Variants in WDPCP observed in about 807,000 individuals in gnomAD.
WDPCP encodes the protein WD repeat containing planar cell polarity effector, also known as WD repeat-containing and planar cell polarity effector protein fritz homolog.
A neutral mutation model predicts 93.1 loss-of-function variants in WDPCP; 71 were observed. The ratio of observed to expected loss-of-function variants is 0.76; its 90% CI spans 0.63 to 0.93. WDPCP has a LOEUF of 0.93. Ranked by LOEUF, WDPCP falls within the 40% of genes least tolerant of loss-of-function variation. The pLI, the probability that WDPCP is intolerant of heterozygous loss-of-function variation, is 0.00. For synonymous variants in WDPCP, 315 were observed against 315.0 expected (o/e 1.00, Z 0.00); for missense variants, 844 against 887.4 (o/e 0.95, Z 0.62).
rs139111076 is a variant in WDPCP at position 63,399,960 on chromosome 2, G to A, written c.1435+4088C>T. On this transcript the variant is annotated intron_variant, in intron 10 of 17. Transcript: ENST00000272321. ...ATGTATTCAACTTCAGAGACAAGCA[G>A]ATCCATGAAAAAATAAAGTAAATTG... 5.5e-3 allele frequency among the ~76,000 whole-genome samples: 835 copies of A among 152,126 alleles called. 12 individuals carry two copies. The highest frequency in any genetic ancestry group is 0.019 in the African/African-American group (773 of 41,504).
At chr2:63,622,720 C>T in intron 3 of WDPCP, 1 of 1,613,574 alleles carries the variant, frequency 6.2e-7, no homozygotes, top group South Asian at 1.1e-5. Flanking sequence ...TGTACTATGT[C>T]TTCCGTCAAG....
chr2:63,679,892 C>G (rs1710470960), intron 2 of WDPCP, among the ~76,000 whole-genome samples: 1 of 152,122 alleles, frequency 6.6e-6, no homozygotes, highest in African/African-American at 2.4e-5. Context: ...TGGTAGAGAG[C>G]TTTTAAGGGA....
intron 2 of WDPCP, among the ~76,000 whole-genome samples, chr2:63,798,448 G>C (rs1670645541): frequency 6.6e-6 from 1 of 152,144 alleles, no homozygotes. Context: ...GTCTTCATTA[G>C]TTTTCTTTTT....
intron 2 of WDPCP, among the ~76,000 whole-genome samples, chr2:63,742,865 C>A (rs1669744102): frequency 6.6e-6 from 1 of 151,300 alleles, no homozygotes. Context: ...TTATTACTAG[C>A]CTGTAAAGAA....
chr2:63,228,232 A>G (rs148847607), intron 14 of WDPCP, among the ~76,000 whole-genome samples: 375 of 152,158 alleles, frequency 2.5e-3, no homozygotes, highest in Non-Finnish European at 4.5e-3. Context: ...ATTGCTTAGG[A>G]AAACTATTTG....
chr2:63,748,502 CTTTAA>C (rs1446688608), intron 2 of WDPCP, among the ~76,000 whole-genome samples: 1 of 151,944 alleles, frequency 6.6e-6, no homozygotes, highest in East Asian at 1.9e-4. Context: ...AAATTTTCTC[CTTTAA>C]TTTGTTAACA....
At chr2:63,826,865 A>G (rs1290617983) in intron 1 of WDPCP, among the ~76,000 whole-genome samples, 1 of 152,172 alleles carries the variant, frequency 6.6e-6, no homozygotes. Flanking sequence ...GTTCTCTGTA[A>G]GATTTAATTT....
chr2:63,637,772 T>C (rs1449677310), intron 3 of WDPCP, among the ~76,000 whole-genome samples: 2 of 152,106 alleles, frequency 1.3e-5, no homozygotes, highest in African/African-American at 4.8e-5. Context: ...TAATAAAAAA[T>C]ATCAAAAGAT....
At chr2:63,710,503 A>G (rs35445677) in intron 2 of WDPCP, among the ~76,000 whole-genome samples, 222 of 152,322 alleles carry the variant, frequency 1.5e-3, no homozygotes, top group Non-Finnish European at 2.6e-3. Context: ...ACTACTCTCA[A>G]TTGCACACAT....
chr2:63,450,401 C>T (rs544225500), intron 6 of WDPCP, among the ~76,000 whole-genome samples: 8 of 152,260 alleles, frequency 5.3e-5, no homozygotes, highest in East Asian at 3.9e-4. Flanking sequence ...CACCCAGGAC[C>T]GAAAGAGTCA....
chr2:63,462,137 T>A (rs1575466003), intron 6 of WDPCP, among the ~76,000 whole-genome samples: 1 of 152,216 alleles, frequency 6.6e-6, no homozygotes, highest in Admixed American at 6.5e-5. Context: ...TAAGAAAATG[T>A]GGCACATATA....
intron 1 of WDPCP, among the ~76,000 whole-genome samples, chr2:63,561,601 AGAATGG>A (rs767417946): frequency 2.6e-5 from 4 of 152,246 alleles, no homozygotes; most frequent in Non-Finnish European, 5.9e-5. Flanking sequence ...AACAACCTAC[AGAATGG>A]GAAAAGTTTG....
chr2:63,623,002 G>A (rs371105798), intron 3 of WDPCP, among the ~76,000 whole-genome samples: 3 of 152,326 alleles, frequency 2.0e-5, no homozygotes, highest in Admixed American at 6.5e-5. Context: ...TGAGTTGTCC[G>A]ACCGCGCGCC....
chr2:63,179,806 T>G (rs907034933), intron 14 of WDPCP, among the ~76,000 whole-genome samples: 2 of 152,206 alleles, frequency 1.3e-5, no homozygotes, highest in African/African-American at 4.8e-5. Context: ...TTGTGGATTT[T>G]CCAGTTTTCC....
intron 2 of WDPCP, chr2:63,684,513 C>T (rs1464448620): frequency 4.1e-6 from 3 of 739,450 alleles, no homozygotes; most frequent in Non-Finnish European, 7.5e-6. Flanking sequence ...AAGATCAAGT[C>T]TTTTGTGAGA....
intron 13 of WDPCP, among the ~76,000 whole-genome samples, chr2:63,287,529 A>G (rs1684100120): frequency 6.6e-6 from 1 of 151,994 alleles, no homozygotes; most frequent in South Asian, 2.1e-4. Flanking sequence ...GCTCCTCCCA[A>G]TTTTGGTAGC....
intron 12 of WDPCP, among the ~76,000 whole-genome samples, chr2:63,313,743 A>G (rs1686365961): frequency 6.6e-6 from 1 of 151,634 alleles, no homozygotes; most frequent in Non-Finnish European, 1.5e-5. Flanking sequence ...GGGATATACT[A>G]AGGAAGAGGT....
intron 1 of WDPCP, among the ~76,000 whole-genome samples, chr2:63,579,062 C>G (rs1333044044): frequency 6.6e-6 from 1 of 152,116 alleles, no homozygotes; most frequent in Non-Finnish European, 1.5e-5. Flanking sequence ...CTGTTCCTTA[C>G]GTTCTCCAGA....
intron 2 of WDPCP, among the ~76,000 whole-genome samples, chr2:63,806,787 G>A (rs1322542692): frequency 6.6e-6 from 1 of 152,204 alleles, no homozygotes; most frequent in East Asian, 1.9e-4. Flanking sequence ...GAGAAATATG[G>A]CTCTGTTCCG....
Sources: gnomAD v4.1 joint callset for allele counts (sites outside exome capture counted in the v4.1 genomes callset) on GRCh38, gnomAD v4.1.1 for gene constraint, MANE v1.5 for transcripts, NCBI Gene and HGNC (gene_info 2026-07-23, HGNC 2026-07-21) for gene names.